Variants in OPCML observed in about 807,000 individuals in gnomAD.
OPCML encodes the protein opioid-binding protein/cell adhesion molecule.
A neutral mutation model predicts 37.8 loss-of-function variants in OPCML; 13 were observed. That is an observed-to-expected ratio of 0.34 (90% CI 0.22 to 0.55). The LOEUF (loss-of-function observed/expected upper bound fraction) is 0.55, where lower values mean the gene tolerates loss of function less well. Ranked by LOEUF, OPCML falls within the 20% of genes least tolerant of loss-of-function variation. OPCML has a pLI of 0.91. For missense variants in OPCML, 341 were observed against 435.6 expected (o/e 0.78, Z 1.93); for synonymous variants, 176 against 168.8 (o/e 1.04, Z -0.33).
At chr11:133,478,981 A>G (rs1446616193) in intron 1 of OPCML, among the ~76,000 whole-genome samples, 1 of 152,162 alleles carries the variant, frequency 6.6e-6, no homozygotes, top group East Asian at 1.9e-4. Context: ...AAATCACTTA[A>G]TCTACCTAAG....
intron 2 of OPCML, among the ~76,000 whole-genome samples, chr11:132,856,419 G>GC (rs368411909): frequency 3.0e-4 from 46 of 152,218 alleles, no homozygotes; most frequent in East Asian, 1.4e-3. Context: ...GACAGGAGAG[G>GC]CCCCCCGCTC....
chr11:132,971,804 C>A (rs923721596), intron 1 of OPCML, among the ~76,000 whole-genome samples: 3 of 152,168 alleles, frequency 2.0e-5, no homozygotes, highest in African/African-American at 7.2e-5. Flanking sequence ...CACACCAATA[C>A]TGGCTTTATT....
At chr11:133,393,190 G>A (rs904244642) in intron 1 of OPCML, among the ~76,000 whole-genome samples, 2 of 152,122 alleles carry the variant, frequency 1.3e-5, no homozygotes, top group Non-Finnish European at 2.9e-5. Flanking sequence ...CTACATTCAG[G>A]CACAAGTTAC....
intron 4 of OPCML, among the ~76,000 whole-genome samples, chr11:132,496,151 T>A (rs1389946211): frequency 6.6e-6 from 1 of 152,116 alleles, no homozygotes; most frequent in Non-Finnish European, 1.5e-5. Context: ...GCTGTGCGTA[T>A]CATACTCTTC....
At chr11:132,985,990 A>G (rs1184422391) in intron 1 of OPCML, among the ~76,000 whole-genome samples, 3 of 152,224 alleles carry the variant, frequency 2.0e-5, no homozygotes, top group African/African-American at 7.2e-5. Flanking sequence ...ATTCTGTATC[A>G]TACATCAGCC....
intron 2 of OPCML, among the ~76,000 whole-genome samples, chr11:132,767,824 C>T (rs972365180): frequency 1.9e-4 from 29 of 151,928 alleles, no homozygotes; most frequent in African/African-American, 6.5e-4. Context: ...AAAAAAAACC[C>T]TCCTGCAGTT....
chr11:132,977,779 AT>A (rs554845629), intron 1 of OPCML, among the ~76,000 whole-genome samples: 19 of 152,242 alleles, frequency 1.2e-4, no homozygotes, highest in African/African-American at 4.3e-4. Flanking sequence ...TCCAAAAAGT[AT>A]TTATTAAAAT....
intron 3 of OPCML, among the ~76,000 whole-genome samples, chr11:132,623,190 A>G (rs1431038212): frequency 1.3e-5 from 2 of 152,136 alleles, no homozygotes; most frequent in African/African-American, 4.8e-5. Flanking sequence ...TCTGTTTCTG[A>G]GCGGTAAAAC....
intron 1 of OPCML, among the ~76,000 whole-genome samples, chr11:133,039,298 C>G (rs1406052897): frequency 6.6e-6 from 1 of 152,130 alleles, no homozygotes; most frequent in Non-Finnish European, 1.5e-5. Flanking sequence ...GTCTCAGGAC[C>G]CCTGTGCTCA....
chr11:133,302,443 C>T (rs1200539163), intron 1 of OPCML: 1 of 152,234 alleles, frequency 6.6e-6, no homozygotes, highest in East Asian at 1.9e-4. Flanking sequence ...AATCTCATTC[C>T]TTTATAAATT....
In OPCML at chr11:132,852,364, G is replaced by A. The variant is rs531775625; in HGVS notation, c.146+90562C>T. Among the ~76,000 whole-genome samples the A allele has an allele frequency of 2.4e-3, 364 of 152,256 alleles. 2 individuals are homozygous for A. Among genetic ancestry groups the A allele is most frequent in the South Asian group, 4.6e-3 (22 of 4,828 alleles). ...AGGGCAGAGGAAGAATTTTACCTCC[G>A]CTATACCAGCGGTTTTCAAAGTGTG... On this transcript the variant is annotated intron_variant, in intron 2 of 7. Transcript: ENST00000524381.
At chr11:133,385,841 T>C (rs1030414588) in intron 1 of OPCML, among the ~76,000 whole-genome samples, 4 of 152,168 alleles carry the variant, frequency 2.6e-5, no homozygotes, top group African/African-American at 9.7e-5. Flanking sequence ...CTAGAGAGGA[T>C]GGAGAAGAAG....
In OPCML at chr11:132,530,231, C is replaced by CATGTA. The variant is rs556206125; in HGVS notation, c.380-1050_380-1046dup. On this transcript the variant is annotated intron_variant, in intron 3 of 7. Coordinates refer to ENST00000524381, the MANE Select transcript of OPCML (RefSeq NM_001012393.5). ...TCCTCTCATGGGCCAGGACCATGCC[C>CATGTA]ATGTACCCACAGCACTACAAAGCCT... 4.1e-4 allele frequency among the ~76,000 whole-genome samples: 63 copies of CATGTA among 152,230 alleles called. 1 individual carries two copies. The East Asian group carries it at 0.012, about 29-fold the overall frequency.
chr11:133,263,363 A>G (rs1941551408), intron 1 of OPCML, among the ~76,000 whole-genome samples: 1 of 152,168 alleles, frequency 6.6e-6, no homozygotes, highest in East Asian at 1.9e-4. Context: ...CTATGTTTAG[A>G]TACACAAATG....
At position 133,012,135 on chromosome 11, in the gene OPCML, C is replaced by T. The variant is rs184204850; in HGVS notation, c.62-69125G>A. 6.8e-4 allele frequency among the ~76,000 whole-genome samples: 104 copies of T among 152,142 alleles called. 1 individual carries two copies. The highest frequency in any genetic ancestry group is 2.7e-3 in the South Asian group (13 of 4,822). On this transcript the variant is annotated intron_variant, in intron 1 of 7. Transcript: ENST00000524381. Reference sequence around the variant, plus strand: ...AAGATATTTTTTGTTGTCACGGCTCCGGAGGGGGCACGGTATTATTTTATT... The same window carrying T: ...AAGATATTTTTTGTTGTCACGGCTCTGGAGGGGGCACGGTATTATTTTATT...
At chr11:133,284,461 C>T (rs758827667) in intron 1 of OPCML, among the ~76,000 whole-genome samples, 8 of 152,056 alleles carry the variant, frequency 5.3e-5, no homozygotes, top group Non-Finnish European at 7.4e-5. Context: ...AAACAATCAA[C>T]AACAAAAAAA....
At chr11:133,432,050 C>T (rs1048319917) in intron 1 of OPCML, among the ~76,000 whole-genome samples, 1 of 151,882 alleles carries the variant, frequency 6.6e-6, no homozygotes. Flanking sequence ...ATATTGAGTA[C>T]ATACGGACAT....
At chr11:132,722,440 A>T (rs988094989) in intron 2 of OPCML, among the ~76,000 whole-genome samples, 1 of 152,134 alleles carries the variant, frequency 6.6e-6, no homozygotes, top group African/African-American at 2.4e-5. Flanking sequence ...AACTAAAGAG[A>T]TAAGAACATG....
At chr11:132,991,328 T>A (rs966952606) in intron 1 of OPCML, among the ~76,000 whole-genome samples, 1 of 152,224 alleles carries the variant, frequency 6.6e-6, no homozygotes, top group Non-Finnish European at 1.5e-5. Context: ...ATCATATTTG[T>A]ATTCATTTTC....
Sources: gnomAD v4.1 joint callset for allele counts (sites outside exome capture counted in the v4.1 genomes callset) on GRCh38, gnomAD v4.1.1 for gene constraint, MANE v1.5 for transcripts, NCBI Gene and HGNC (gene_info 2026-07-23, HGNC 2026-07-21) for gene names.